SRSF11: variants seen among roughly 807,000 people sequenced by gnomAD.
SRSF11 encodes serine and arginine rich splicing factor 11.
A neutral mutation model predicts 56.0 loss-of-function variants in SRSF11; 9 were observed. The observed-to-expected ratio is 0.16, with a 90% CI of 0.10 to 0.28. The LOEUF (loss-of-function observed/expected upper bound fraction) is 0.28. SRSF11 is among the 10% of genes least tolerant of loss of function. The probability of loss-of-function intolerance (pLI) is 1.00; values close to 1 mark genes in which losing one functional copy is unlikely to be tolerated. For missense variants in SRSF11, 421 were observed against 600.7 expected (o/e 0.70, Z 3.13); for synonymous variants, 222 against 215.3 (o/e 1.03, Z -0.27).
intron 10 of SRSF11, 71 bp from the exon 11 acceptor site, chr1:70,250,294 C>G (rs914608586): frequency 1.1e-5 from 17 of 1,580,890 alleles, no homozygotes; most frequent in African/African-American, 1.4e-5. Context: ...TACTTATATC[C>G]TGTGAAATTG....
In SRSF11 at chr1:70,250,637, A is replaced by G. The variant is rs752342916; in HGVS notation, c.1287A>G (p.Glu429=). The G allele has an allele frequency of 2.5e-6, 4 of 1,614,010 alleles. No homozygotes were observed. The highest frequency in any genetic ancestry group is 1.1e-5 in the South Asian group (1 of 91,076). The change falls in exon 12 of 12, where the codon GAA becomes GAG. Residue 429 remains glutamate (E), a synonymous_variant. Transcript: ENST00000370949. The part of the protein sequence containing the change: ...KQVTRDYDEE[E]QGYDSEKEKK... ...TTACACGGGATTATGATGAAGAGGA[A>G]CAGGGGTATGACAGTGAGAAAGAGA...
rs749117746 is a variant in SRSF11, at chr1:70,222,582, G to GA, written c.203+749dup. Among the ~76,000 whole-genome samples the GA allele has an allele frequency of 5.3e-5, 8 of 151,982 alleles. No homozygotes were observed. In the East Asian group the frequency reaches 1.2e-3, roughly 22 times the overall value. On this transcript the variant is annotated intron_variant, in intron 1 of 11. Transcript: ENST00000370949. ...GAATATTAAGTGGATGAATTGTAAA[G>GA]AAAAAATAGTTCAAAGAAGCTAAGA...
At chr1:70,240,338 G>T (rs1468694247) in intron 7 of SRSF11, among the ~76,000 whole-genome samples, 11 of 152,152 alleles carry the variant, frequency 7.2e-5, no homozygotes, top group Non-Finnish European at 1.5e-4. Context: ...ATACAGAAAT[G>T]CCAGTGAAGA....
intron 2 of SRSF11, 105 bp from the exon 3 acceptor site, chr1:70,232,163 T>G (rs1056689323): frequency 6.3e-7 from 1 of 1,583,296 alleles, no homozygotes; most frequent in African/African-American, 1.3e-5. Context: ...CATAAGTACT[T>G]TCAACAAACT....
chr1:70,211,614 G>C (rs1222438583), intron 1 of SRSF11, among the ~76,000 whole-genome samples: 1 of 152,060 alleles, frequency 6.6e-6, no homozygotes, highest in Non-Finnish European at 1.5e-5. Context: ...TCACAATTTG[G>C]TAAGTGCTAG....
At chr1:70,240,998 G>A (rs188575695) in intron 7 of SRSF11, among the ~76,000 whole-genome samples, 18 of 151,868 alleles carry the variant, frequency 1.2e-4, no homozygotes, top group African/African-American at 3.9e-4. Flanking sequence ...TCTCAAACCC[G>A]CGACCTCAGG....
At chr1:70,210,731 C>T (rs1242555162) in intron 1 of SRSF11, among the ~76,000 whole-genome samples, 1 of 152,084 alleles carries the variant, frequency 6.6e-6, no homozygotes, top group East Asian at 1.9e-4. Flanking sequence ...CAGGGATGAG[C>T]CACCATGCCC....
intron 1 of SRSF11, among the ~76,000 whole-genome samples, chr1:70,210,951 G>C (rs1016432320): frequency 6.6e-6 from 1 of 152,058 alleles, no homozygotes; most frequent in African/African-American, 2.4e-5. Context: ...AAACAAGGGT[G>C]GTGGTAAACC....
In SRSF11 at chr1:70,228,435, C is replaced by G. The variant is rs1187963450; in HGVS notation, c.217C>G (p.Pro73Ala). Residue 73 changes from proline to alanine, a missense_variant, in exon 2 of 12, where the codon CCA becomes GCA. By Grantham distance (27) the Pro-to-Ala change is conservative. Around this residue, in one of 2 missense-constraint regions of SRSF11, gnomAD observed 168 missense variants for 294.9 expected, o/e 0.57. Coordinates refer to ENST00000370949, the MANE Select transcript of SRSF11 (RefSeq NM_001350605.2). Reference sequence around the variant, plus strand: ...TTTATTTTTTAGTGATTCGCCTTTGCCAGTCTCATCTCGTGTCTGCTTTGT... The same window carrying G: ...TTTATTTTTTAGTGATTCGCCTTTGGCAGTCTCATCTCGTGTCTGCTTTGT... Reference protein sequence around the residue: ...RLFPPDDSPLPVSSRVCFVKF... With the variant: ...RLFPPDDSPLAVSSRVCFVKF... 6.2e-7 allele frequency: 1 copy of G among 1,608,874 alleles called. No homozygotes were observed. Among genetic ancestry groups the G allele is most frequent in the Non-Finnish European group, 8.5e-7 (1 of 1,177,548 alleles).
At chr1:70,208,954 C>T (rs1282603314) in intron 1 of SRSF11, among the ~76,000 whole-genome samples, 1 of 152,114 alleles carries the variant, frequency 6.6e-6, no homozygotes, top group Non-Finnish European at 1.5e-5. Flanking sequence ...AAATGAATGT[C>T]TCCTGTGTCA....
At chr1:70,249,902 T>C in intron 9 of SRSF11, 50 bp from the exon 10 acceptor site, 1 of 1,576,710 alleles carries the variant, frequency 6.3e-7, no homozygotes, top group Non-Finnish European at 8.7e-7. Context: ...GTCTGCATTT[T>C]TAAGATCACA....
At chr1:70,232,629 G>T (rs901543321) in intron 3 of SRSF11, among the ~76,000 whole-genome samples, 3 of 152,112 alleles carry the variant, frequency 2.0e-5, no homozygotes, top group Non-Finnish European at 4.4e-5. Flanking sequence ...AGTAGTTTTG[G>T]AACAGTCTCC....
chr1:70,218,581 A>G (rs976388309), upstream of SRSF11: 2 of 152,220 alleles, frequency 1.3e-5, no homozygotes, highest in African/African-American at 4.8e-5. Flanking sequence ...ATTTATGTGT[A>G]CCCATCACAG....
At chr1:70,229,131 G>A (rs1009340845) in intron 2 of SRSF11, 151 of 1,246,338 alleles carry the variant, frequency 1.2e-4, no homozygotes, top group Non-Finnish European at 1.5e-4. Flanking sequence ...AGATTTTCTT[G>A]TTCATTCTTG....
chr1:70,213,399 A>C lies in SRSF11; in HGVS notation c.-26+7619A>C, dbSNP rs531033144. Among the ~76,000 whole-genome samples, 7 of 152,350 alleles carry C rather than the reference A, an allele frequency of 4.6e-5. No homozygotes were observed. The South Asian group carries it at 1.4e-3, about 32-fold the overall frequency. ...ATTGCTTTATAATTTTTAACATTCC[A>C]CAAAAAACCTGTGTTAAAATATGAA... On this transcript the variant is annotated intron_variant, in intron 1 of 12. Coordinates refer to the SRSF11 transcript ENST00000370950.
chr1:70,229,873 GT>G (rs776739827), intron 2 of SRSF11: 3 of 985,160 alleles, frequency 3.0e-6, no homozygotes, highest in Non-Finnish European at 3.6e-6. Context: ...TATGAGCCCA[GT>G]TTTAAGGTTT....
chr1:70,214,806 T>C (rs939636269), intron 1 of SRSF11, among the ~76,000 whole-genome samples: 1 of 151,720 alleles, frequency 6.6e-6, no homozygotes, highest in African/African-American at 2.4e-5. Flanking sequence ...TTAATATTTA[T>C]AAAATTGTGT....
chr1:70,239,520 G>A lies in SRSF11; in HGVS notation c.800G>A (p.Arg267Lys). The change falls in exon 7 of 12, where the codon AGG becomes AAG. Residue 267 changes from arginine (R) to lysine (K), a missense_variant and splice_region_variant. Transcript: ENST00000370949. ...RRRTPSSSRH[R>K]RSRSRSRRRS... ...AGGACTCCCTCATCTTCTAGACACA[G>A]GTTAGATTGCTTTTTAGTCAATTAT... 1 of 1,589,684 alleles carries A rather than the reference G, an allele frequency of 6.3e-7. No homozygotes were observed. Among genetic ancestry groups the A allele is most frequent in the South Asian group, 1.2e-5 (1 of 86,604 alleles).
intron 7 of SRSF11, among the ~76,000 whole-genome samples, chr1:70,243,104 G>A (rs34131526): frequency 6.6e-6 from 1 of 151,944 alleles, no homozygotes; most frequent in Admixed American, 6.6e-5. Flanking sequence ...AGTTGTTTTA[G>A]GGAGTTATGG....
Sources: allele counts gnomAD v4.1 joint callset (sites outside exome capture counted in the v4.1 genomes callset), GRCh38; gene constraint gnomAD v4.1.1; regional missense constraint gnomAD v4.1.1; transcripts MANE v1.5; gene names NCBI Gene and HGNC (gene_info 2026-07-23, HGNC 2026-07-21).